Variants in PID1 observed in about 807,000 individuals in gnomAD.
PID1 encodes PTB-containing, cubilin and LRP1-interacting protein.
Under a neutral mutation model 19.1 loss-of-function variants are expected in PID1, and 10 were observed. The ratio of observed to expected loss-of-function variants is 0.52; its 90% CI spans 0.32 to 0.89. The LOEUF (loss-of-function observed/expected upper bound fraction) is 0.89, where lower values mean the gene tolerates loss of function less well. Among genes scored for constraint, PID1 ranks in the 40% least tolerant of loss-of-function variants. The probability of loss-of-function intolerance (pLI) is 0.03; values close to 1 mark genes in which losing one functional copy is unlikely to be tolerated. For missense variants in PID1, 248 were observed against 285.3 expected (o/e 0.87, Z 0.94); for synonymous variants, 130 against 116.0 (o/e 1.12, Z -0.78).
intron 2 of PID1, among the ~76,000 whole-genome samples, chr2:229,122,944 A>G (rs1245794386): frequency 1.3e-5 from 2 of 152,166 alleles, no homozygotes; most frequent in Non-Finnish European, 2.9e-5. Flanking sequence ...CCCAGGCGGC[A>G]TTATGTTTCG....
chr2:229,033,128 T>C (rs1004672468), intron 2 of PID1, among the ~76,000 whole-genome samples: 6 of 152,154 alleles, frequency 3.9e-5, no homozygotes, highest in African/African-American at 9.7e-5. Flanking sequence ...GCTATTTCAT[T>C]CTGGCCTGAG....
At chr2:229,148,731 G>C (rs1321107572) in intron 2 of PID1, among the ~76,000 whole-genome samples, 3 of 151,644 alleles carry the variant, frequency 2.0e-5, no homozygotes, top group Non-Finnish European at 4.4e-5. Flanking sequence ...AGGAAAAAAG[G>C]AAGGAAAGGA....
chr2:229,069,479 C>A (rs1694408597), intron 2 of PID1, among the ~76,000 whole-genome samples: 2 of 152,126 alleles, frequency 1.3e-5, no homozygotes, highest in Admixed American at 1.3e-4. Context: ...TCCTACCACA[C>A]TGCAAGGACC....
In PID1 at chr2:229,065,729, A is replaced by AAAAAAAAAAAAAAAAAG. The variant is rs765746020; in HGVS notation, c.178-39622_178-39621insCTTTTTTTTTTTTTTTT. ...GTGATTTACAAAAAAAAAAAAAAAA[A>AAAAAAAAAAAAAAAAAG]AAACAGGTTGAAATTCAGAGATTTA... On this transcript the variant is annotated intron_variant, in intron 2 of 2. Coordinates refer to ENST00000392055, the MANE Select transcript of PID1 (RefSeq NM_001100818.2). 1.3e-3 allele frequency among the ~76,000 whole-genome samples: 183 copies of AAAAAAAAAAAAAAAAAG among 140,696 alleles called. 7 individuals carry two copies. The highest frequency in any genetic ancestry group is 4.8e-3 in the African/African-American group (173 of 35,812). 92.3% of individuals were successfully genotyped at this position (140,696 alleles called of 152,430 possible).
At chr2:229,111,525 A>T (rs1279031456) in intron 2 of PID1, among the ~76,000 whole-genome samples, 1 of 152,214 alleles carries the variant, frequency 6.6e-6, no homozygotes, top group African/African-American at 2.4e-5. Context: ...AGAAAACACA[A>T]AGTGATGGGG....
chr2:229,070,213 A>C (rs113600250), intron 2 of PID1, among the ~76,000 whole-genome samples: 1,973 of 152,286 alleles, frequency 0.013, 33 homozygotes, highest in African/African-American at 0.04. Flanking sequence ...AGTTTGTAAA[A>C]ATTGTATATT....
intron 2 of PID1, among the ~76,000 whole-genome samples, chr2:229,037,057 T>C (rs1031605086): frequency 2.6e-5 from 4 of 152,216 alleles, no homozygotes; most frequent in Admixed American, 2.6e-4. Flanking sequence ...ATGCCGATTT[T>C]ATAAAGTACA....
chr2:229,168,928 CCT>C, intron 1 of PID1, among the ~76,000 whole-genome samples: 1 of 152,190 alleles, frequency 6.6e-6, no homozygotes. Context: ...ATTAGCTTGT[CCT>C]TAAGGTGGAG....
intron 1 of PID1, among the ~76,000 whole-genome samples, chr2:229,229,115 C>T (rs915542780): frequency 6.6e-6 from 1 of 152,176 alleles, no homozygotes; most frequent in African/African-American, 2.4e-5. Flanking sequence ...TCTATGTGTG[C>T]AGTAAAGACT....
intron 2 of PID1, among the ~76,000 whole-genome samples, chr2:229,149,392 C>T (rs1367726148): frequency 6.6e-6 from 1 of 152,198 alleles, no homozygotes; most frequent in Non-Finnish European, 1.5e-5. Flanking sequence ...AATACACTTA[C>T]ATTCAAATCA....
chr2:229,114,247 C>T (rs1160471176), intron 2 of PID1, among the ~76,000 whole-genome samples: 1 of 150,968 alleles, frequency 6.6e-6, no homozygotes, highest in African/African-American at 2.4e-5. Context: ...CTTTGAAGAA[C>T]TCTAATATAG....
intron 1 of PID1, among the ~76,000 whole-genome samples, chr2:229,185,763 T>C (rs2079997): frequency 0.89 from 135,573 of 152,170 alleles, 60,539 homozygotes; most frequent in African/African-American, 0.94. Flanking sequence ...CACGTGGGAA[T>C]TGAAGATGAG....
intron 2 of PID1, among the ~76,000 whole-genome samples, chr2:229,049,806 A>C (rs1281156675): frequency 6.6e-6 from 1 of 152,182 alleles, no homozygotes; most frequent in Non-Finnish European, 1.5e-5. Context: ...CACAGAACAC[A>C]CATAACTCTG....
chr2:229,090,755 C>T (rs1039728587), intron 2 of PID1, among the ~76,000 whole-genome samples: 1 of 152,184 alleles, frequency 6.6e-6, no homozygotes, highest in African/African-American at 2.4e-5. Context: ...GATGAGTCAT[C>T]ATCATTCATT....
At position 229,180,919 on chromosome 2, in the gene PID1, T is replaced by C. The variant is rs148838326; in HGVS notation, c.31-24955A>G. On this transcript the variant is annotated intron_variant, in intron 1 of 2. Coordinates refer to ENST00000392055, the MANE Select transcript of PID1 (RefSeq NM_001100818.2). ...GACCCGTGTTCAACTGCTGTTTCAC[T>C]GGACGCCGCCAGAACAGCGACGCTT... is the stretch of plus-strand genomic sequence containing the variant. Among the ~76,000 whole-genome samples, 35 of 152,332 alleles carry C rather than the reference T, an allele frequency of 2.3e-4. No individual in the cohort carries two copies. The South Asian group carries it at 5.4e-3, about 23-fold the overall frequency.
At position 229,253,536 on chromosome 2, in the gene PID1, C is replaced by T. The variant is rs373831854; in HGVS notation, c.30+17478G>A. Among the ~76,000 whole-genome samples, 42 of 148,672 alleles carry T rather than the reference C, an allele frequency of 2.8e-4. No individual in the cohort carries two copies. In the South Asian group the frequency reaches 4.1e-3, roughly 14 times the overall value. ...AGTACTACGGTAAAATGAGGATTAT[C>T]TTCATTCAAAGTCACTTAATAAAGT... On this transcript the variant is annotated intron_variant, in intron 1 of 2. Coordinates refer to ENST00000392055, the MANE Select transcript of PID1 (RefSeq NM_001100818.2).
chr2:229,156,522 A>T (rs138162334), intron 1 of PID1, among the ~76,000 whole-genome samples: 2 of 152,142 alleles, frequency 1.3e-5, no homozygotes, highest in Admixed American at 1.3e-4. Context: ...CATATGCAAC[A>T]TCCATTGGCT....
intron 1 of PID1, among the ~76,000 whole-genome samples, chr2:229,202,419 G>T (rs1324493122): frequency 6.6e-6 from 1 of 151,998 alleles, no homozygotes; most frequent in Non-Finnish European, 1.5e-5. Flanking sequence ...CTTGCACCAT[G>T]TCTGACCTGA....
intron 1 of PID1, among the ~76,000 whole-genome samples, chr2:229,247,141 T>C (rs1690025183): frequency 6.6e-6 from 1 of 152,196 alleles, no homozygotes; most frequent in African/African-American, 2.4e-5. Flanking sequence ...TGATGATTTC[T>C]AGAAAGCACG....
Sources: allele counts gnomAD v4.1 joint callset (sites outside exome capture counted in the v4.1 genomes callset), GRCh38; gene constraint gnomAD v4.1.1; transcripts MANE v1.5; gene names NCBI Gene and HGNC (gene_info 2026-07-23, HGNC 2026-07-21).